RHBDD1: variants seen among roughly 807,000 people sequenced by gnomAD.
RHBDD1 encodes rhomboid domain containing 1.
A neutral mutation model predicts 36.3 loss-of-function variants in RHBDD1; 38 were observed. That is an observed-to-expected ratio of 1.05 (90% CI 0.81 to 1.37). The LOEUF (loss-of-function observed/expected upper bound fraction) is 1.37. Ranked by LOEUF, RHBDD1 falls within the 40% of genes most tolerant of loss-of-function variation. The probability of loss-of-function intolerance (pLI) is 0.00; values close to 1 mark genes in which losing one functional copy is unlikely to be tolerated. For synonymous variants in RHBDD1, 151 were observed against 136.5 expected (o/e 1.11, Z -0.74); for missense variants, 393 against 377.6 (o/e 1.04, Z -0.34).
the RHBDD1 span, among the ~76,000 whole-genome samples, chr2:226,807,239 GT>G: frequency 4.6e-5 from 7 of 152,100 alleles, no homozygotes; most frequent in African/African-American, 1.7e-4. Flanking sequence ...AGGAAAATAA[GT>G]TAGAGATTAT....
intron 8 of RHBDD1, among the ~76,000 whole-genome samples, chr2:226,916,909 C>T (rs1020924957): frequency 2.6e-5 from 4 of 152,052 alleles, no homozygotes; most frequent in African/African-American, 9.7e-5. Flanking sequence ...ATAATGACTT[C>T]CCTCAGTAAT....
chr2:226,970,245 G>A (rs1271546030), intron 8 of RHBDD1, among the ~76,000 whole-genome samples: 2 of 151,870 alleles, frequency 1.3e-5, no homozygotes, highest in Admixed American at 6.6e-5. Flanking sequence ...GAGAATTAAG[G>A]TGTTTCTTAA....
At chr2:226,883,618 A>G (rs998652216) in intron 5 of RHBDD1, among the ~76,000 whole-genome samples, 1 of 152,238 alleles carries the variant, frequency 6.6e-6, no homozygotes, top group African/African-American at 2.4e-5. Flanking sequence ...TGTGTGGATG[A>G]TAACACCTAC....
intron 3 of RHBDD1, among the ~76,000 whole-genome samples, chr2:226,847,654 A>G (rs936423691): frequency 6.6e-6 from 1 of 152,200 alleles, no homozygotes; most frequent in African/African-American, 2.4e-5. Flanking sequence ...CTTCACAACA[A>G]TATGAAGATG....
chr2:226,878,030 G>A (rs1206617276), intron 5 of RHBDD1, among the ~76,000 whole-genome samples: 4 of 152,162 alleles, frequency 2.6e-5, no homozygotes, highest in African/African-American at 2.4e-5. Flanking sequence ...TTTTGACTTT[G>A]TGAACCTCTG....
chr2:226,959,853 C>T (rs1034405727), intron 8 of RHBDD1, among the ~76,000 whole-genome samples: 15 of 152,074 alleles, frequency 9.9e-5, no homozygotes, highest in South Asian at 2.1e-4. Context: ...TATGGAGTCT[C>T]GCTGTGTTGC....
At chr2:226,939,186 A>C (rs1435815916) in intron 8 of RHBDD1, among the ~76,000 whole-genome samples, 2 of 152,246 alleles carry the variant, frequency 1.3e-5, no homozygotes, top group Admixed American at 1.3e-4. Context: ...TGAATGGGCA[A>C]AAGCTGGAAG....
chr2:226,817,782 G>A, the RHBDD1 span, among the ~76,000 whole-genome samples: 1 of 152,190 alleles, frequency 6.6e-6, no homozygotes, highest in Non-Finnish European at 1.5e-5. Context: ...TGGGGATTGG[G>A]GTGCTCACGC....
At chr2:226,893,674 T>C (rs1286627484) in intron 5 of RHBDD1, among the ~76,000 whole-genome samples, 1 of 152,210 alleles carries the variant, frequency 6.6e-6, no homozygotes, top group Admixed American at 6.5e-5. Context: ...CCAGTGGTTT[T>C]CCACTGGGAT....
chr2:226,867,090 G>T, intron 4 of RHBDD1, 96 bp from the exon 5 acceptor site: 1 of 1,242,546 alleles, frequency 8.0e-7, no homozygotes, highest in South Asian at 1.5e-5. Context: ...GGATGTAATC[G>T]AATAATCATT....
chr2:226,852,497 T>C (rs955968331), intron 3 of RHBDD1, among the ~76,000 whole-genome samples: 1 of 152,028 alleles, frequency 6.6e-6, no homozygotes, highest in African/African-American at 2.4e-5. Context: ...GAGAGCTCTC[T>C]TGCTCTCTTT....
chr2:226,888,256 C>T (rs1289002567), intron 5 of RHBDD1, among the ~76,000 whole-genome samples: 1 of 152,116 alleles, frequency 6.6e-6, no homozygotes, highest in Admixed American at 6.5e-5. Context: ...CCTCGACAAA[C>T]GGATGCTATA....
intron 8 of RHBDD1, among the ~76,000 whole-genome samples, chr2:226,918,162 T>A (rs1172128540): frequency 6.6e-6 from 1 of 152,040 alleles, no homozygotes; most frequent in Non-Finnish European, 1.5e-5. Context: ...TTTGTTCATC[T>A]CACTACATTT....
intron 5 of RHBDD1, chr2:226,867,620 A>G (rs1944447772): frequency 1.0e-6 from 1 of 985,264 alleles, no homozygotes; most frequent in Admixed American, 6.1e-5. Context: ...TCAGCTGGTT[A>G]ATTCTGAAAG....
chr2:226,930,571 A>G (rs924453877), intron 8 of RHBDD1, among the ~76,000 whole-genome samples: 2 of 152,114 alleles, frequency 1.3e-5, no homozygotes, highest in Non-Finnish European at 1.5e-5. Context: ...TTCCCTGGAC[A>G]TTGGCCTAGG....
intron 8 of RHBDD1, among the ~76,000 whole-genome samples, chr2:226,995,113 A>G (rs1277419256): frequency 6.6e-6 from 1 of 152,164 alleles, no homozygotes; most frequent in Non-Finnish European, 1.5e-5. Context: ...AAAAAAAGAC[A>G]ATAAGCCCTT....
At chr2:226,919,072 T>C (rs1000816418) in intron 8 of RHBDD1, among the ~76,000 whole-genome samples, 1 of 152,130 alleles carries the variant, frequency 6.6e-6, no homozygotes, top group African/African-American at 2.4e-5. Flanking sequence ...ATCAGTGATA[T>C]TGAGAACCTT....
chr2:226,905,680 T>A (rs1263287524), intron 5 of RHBDD1, among the ~76,000 whole-genome samples: 1 of 152,146 alleles, frequency 6.6e-6, no homozygotes, highest in Non-Finnish European at 1.5e-5. Context: ...GCTGGATGAT[T>A]TTCTTTCATT....
intron 3 of RHBDD1, among the ~76,000 whole-genome samples, chr2:226,852,935 T>C (rs1344963422): frequency 1.4e-5 from 2 of 147,388 alleles, no homozygotes; most frequent in African/African-American, 4.9e-5. Flanking sequence ...ATTATTATTA[T>C]TATTATTATT....
Sources: allele counts gnomAD v4.1 joint callset (sites outside exome capture counted in the v4.1 genomes callset), GRCh38; gene constraint gnomAD v4.1.1; transcripts MANE v1.5; gene names NCBI Gene and HGNC (gene_info 2026-07-23, HGNC 2026-07-21).